EBF1: variants seen among roughly 807,000 people sequenced by gnomAD.
EBF1 encodes EBF transcription factor 1.
A neutral mutation model predicts 68.4 loss-of-function variants in EBF1; 10 were observed. The ratio of observed to expected loss-of-function variants is 0.15; its 90% confidence interval spans 0.09 to 0.25. The LOEUF (loss-of-function observed/expected upper bound fraction) is 0.25, where lower values mean the gene tolerates loss of function less well. Among genes scored for constraint, EBF1 ranks in the 10% least tolerant of loss-of-function variants. The pLI is 1.00. For synonymous variants in EBF1, 298 were observed against 299.8 expected (o/e 0.99, Z 0.06); for missense variants, 509 against 794.4 (o/e 0.64, Z 4.32).
At chr5:158,969,829 GAAAAGAAAGAAAGA>G (rs1755013529) in intron 6 of EBF1, among the ~76,000 whole-genome samples, 2 of 108,954 alleles carry the variant, frequency 1.8e-5, no homozygotes, top group African/African-American at 6.9e-5. Context: ...AAGAAAGACA[GAAAAGAAAGAAAGA>G]GAAAGAAAGA....
At chr5:158,719,399 A>T (rs1761456502) in intron 11 of EBF1, among the ~76,000 whole-genome samples, 2 of 152,206 alleles carry the variant, frequency 1.3e-5, no homozygotes, top group South Asian at 4.1e-4. Context: ...GTATTTGCAC[A>T]TTCATAGAAA....
intron 6 of EBF1, 117 bp downstream of exon 6, chr5:159,073,279 G>A (rs948424248): frequency 3.0e-5 from 32 of 1,077,330 alleles, no homozygotes; most frequent in Middle Eastern, 2.2e-4. Context: ...CGTAAGTCAT[G>A]ACCAACAGGC....
At chr5:158,796,555 A>G (rs1779645562) in intron 8 of EBF1, 80 bp from the exon 9 acceptor site, 3 of 1,300,462 alleles carry the variant, frequency 2.3e-6, no homozygotes, top group South Asian at 1.8e-5. Flanking sequence ...GAGAAAAAGG[A>G]AAAAAAAAAT....
intron 15 of EBF1, among the ~76,000 whole-genome samples, chr5:158,704,822 G>A (rs1415785880): frequency 6.6e-6 from 1 of 152,132 alleles, no homozygotes; most frequent in African/African-American, 2.4e-5. Context: ...CCCAGAGTGT[G>A]GGCCCCACCT....
chr5:158,969,900 GAAAGAAAGAAAGAAAGAAAAAA>G (rs1755161648), intron 6 of EBF1, among the ~76,000 whole-genome samples: 1 of 107,168 alleles, frequency 9.3e-6, no homozygotes, highest in East Asian at 2.7e-4. Flanking sequence ...AAGAAAGAAA[GAAAGAAAGAAAGAAAGAAAAAA>G]AAAAAAAAGG....
At chr5:158,925,544 T>G (rs929608383) in intron 6 of EBF1, among the ~76,000 whole-genome samples, 4 of 152,182 alleles carry the variant, frequency 2.6e-5, no homozygotes, top group Admixed American at 6.5e-5. Flanking sequence ...TCTTCTTCTC[T>G]CCTTCCTCCT....
chr5:159,031,346 A>G (rs1270915211), intron 6 of EBF1, among the ~76,000 whole-genome samples: 1 of 152,362 alleles, frequency 6.6e-6, no homozygotes, highest in East Asian at 1.9e-4. Flanking sequence ...GAATCCACTA[A>G]GACAGATAAT....
chr5:158,986,087 G>A (rs779342135), intron 6 of EBF1: 9 of 152,352 alleles, frequency 5.9e-5, no homozygotes, highest in Non-Finnish European at 8.8e-5. Flanking sequence ...GGTGGAGCGG[G>A]GAGTTGTGTG....
chr5:158,966,292 T>C (rs970334457), intron 6 of EBF1, among the ~76,000 whole-genome samples: 7 of 152,178 alleles, frequency 4.6e-5, no homozygotes, highest in African/African-American at 1.4e-4. Flanking sequence ...ATAAAGTTAA[T>C]TTTGATTAAG....
intron 6 of EBF1, among the ~76,000 whole-genome samples, chr5:158,902,051 A>C (rs1463021896): frequency 6.6e-6 from 1 of 152,218 alleles, no homozygotes; most frequent in Non-Finnish European, 1.5e-5. Flanking sequence ...AGATTGCAAC[A>C]CTGCACTCCA....
chr5:158,978,602 C>T (rs1757238508), intron 6 of EBF1, among the ~76,000 whole-genome samples: 1 of 146,374 alleles, frequency 6.8e-6, no homozygotes, highest in Non-Finnish European at 1.5e-5. Flanking sequence ...CACCTTGCCG[C>T]TGCCAACATA....
chr5:158,920,050 T>C (rs1369290335), intron 6 of EBF1, among the ~76,000 whole-genome samples: 3 of 152,192 alleles, frequency 2.0e-5, no homozygotes, highest in Non-Finnish European at 4.4e-5. Context: ...CTAGCACCTC[T>C]TTAGGTATAT....
intron 11 of EBF1, among the ~76,000 whole-genome samples, chr5:158,722,390 C>T (rs1458785959): frequency 4.6e-5 from 7 of 152,342 alleles, no homozygotes; most frequent in African/African-American, 1.7e-4. Flanking sequence ...GCTTCTTTCC[C>T]TCAGCCAAGG....
chr5:158,966,400 A>G (rs1322442575), intron 6 of EBF1, among the ~76,000 whole-genome samples: 3 of 152,184 alleles, frequency 2.0e-5, no homozygotes, highest in Non-Finnish European at 4.4e-5. Context: ...ACATAGGGTT[A>G]TAAAAAGCTA....
chr5:158,809,642 T>A (rs1231405219), intron 8 of EBF1, among the ~76,000 whole-genome samples: 1 of 152,156 alleles, frequency 6.6e-6, no homozygotes, highest in Non-Finnish European at 1.5e-5. Flanking sequence ...GAAAATGGCA[T>A]CCTAATATAA....
chr5:159,047,181 G>A (rs998426542), intron 6 of EBF1, among the ~76,000 whole-genome samples: 2 of 152,210 alleles, frequency 1.3e-5, no homozygotes, highest in Admixed American at 1.3e-4. Flanking sequence ...AGGTGTCTCT[G>A]AGAACTGAAG....
At chr5:159,099,038 T>C (rs1248198532) in intron 1 of EBF1, among the ~76,000 whole-genome samples, 1 of 151,938 alleles carries the variant, frequency 6.6e-6, no homozygotes, top group East Asian at 1.9e-4. Context: ...AAAACACAGA[T>C]CTCCAACATG....
At chr5:158,755,657 T>G (rs1216248462) in intron 10 of EBF1, among the ~76,000 whole-genome samples, 1 of 152,126 alleles carries the variant, frequency 6.6e-6, no homozygotes, top group Non-Finnish European at 1.5e-5. Context: ...TTTTGAGATA[T>G]TTGATGGACT....
At chr5:159,069,630 TAGAA>T (rs1279003213) in intron 6 of EBF1, among the ~76,000 whole-genome samples, 1 of 152,118 alleles carries the variant, frequency 6.6e-6, no homozygotes, top group Non-Finnish European at 1.5e-5. Context: ...AGTTTCCATA[TAGAA>T]AGATTTTTTA....
Sources: gnomAD v4.1 joint callset for allele counts (sites outside exome capture counted in the v4.1 genomes callset) on GRCh38, gnomAD v4.1.1 for gene constraint, MANE v1.5 for transcripts, NCBI Gene and HGNC (gene_info 2026-07-23, HGNC 2026-07-21) for gene names.